Variants in PDZD8 observed in about 807,000 individuals in gnomAD.
PDZD8 encodes PDZ domain containing 8.
Under a neutral mutation model 85.8 loss-of-function variants are expected in PDZD8, and 14 were observed. The observed-to-expected ratio is 0.16, with a 90% confidence interval of 0.11 to 0.26. The LOEUF (loss-of-function observed/expected upper bound fraction) is 0.26. Among genes scored for constraint, PDZD8 ranks in the 10% least tolerant of loss-of-function variants. PDZD8 has a pLI of 1.00. For synonymous variants in PDZD8, 592 were observed against 568.6 expected (o/e 1.04, Z -0.59); for missense variants, 1,197 against 1,424.3 (o/e 0.84, Z 2.57).
intron 3 of PDZD8, among the ~76,000 whole-genome samples, chr10:117,292,321 C>T (rs997076791): frequency 1.3e-5 from 2 of 152,176 alleles, no homozygotes; most frequent in African/African-American, 4.8e-5. Context: ...CAATCCCTGC[C>T]TTATGACACA....
intron 4 of PDZD8, among the ~76,000 whole-genome samples, chr10:117,289,967 A>G (rs943453642): frequency 1.3e-5 from 2 of 152,244 alleles, no homozygotes; most frequent in African/African-American, 4.8e-5. Context: ...AGTATTTTAA[A>G]GATTTATACA....
In PDZD8 at chr10:117,353,989, C is replaced by T. The variant is rs541902756; in HGVS notation, c.873-12887G>A. On this transcript the variant is annotated intron_variant, in intron 1 of 4. Transcript: ENST00000334464. ...GTTAAACACCCTTTCTTCAAACTTG[C>T]GCCCTTCTCTCCTGCTTTCTCTTAC... Among the ~76,000 whole-genome samples the T allele has an allele frequency of 8.7e-4, 132 of 152,206 alleles. 1 individual carries two copies. The highest frequency in any genetic ancestry group is 3.4e-3 in the Middle Eastern group (1 of 294).
chr10:117,339,128 C>CA (rs71013660), intron 2 of PDZD8, among the ~76,000 whole-genome samples: 5,164 of 127,722 alleles, frequency 0.04, 71 homozygotes, highest in African/African-American at 0.049. Flanking sequence ...TGGACTTAAC[C>CA]AAAAAAAAAA....
At chr10:117,326,036 T>A (rs966670739) in intron 2 of PDZD8, among the ~76,000 whole-genome samples, 1 of 152,200 alleles carries the variant, frequency 6.6e-6, no homozygotes, top group Non-Finnish European at 1.5e-5. Context: ...TGTCACCTTG[T>A]GAAGAAGGTG....
chr10:117,317,155 TTA>T (rs1187801853), intron 3 of PDZD8, among the ~76,000 whole-genome samples: 3 of 152,198 alleles, frequency 2.0e-5, no homozygotes, highest in Admixed American at 6.6e-5. Flanking sequence ...TGTATATTCA[TTA>T]TAATTAGTGA....
chr10:117,355,928 TTACCATTAAGGTATATCATGTTAA>T (rs1352999803), intron 1 of PDZD8, among the ~76,000 whole-genome samples: 26 of 152,202 alleles, frequency 1.7e-4, no homozygotes, highest in Non-Finnish European at 2.8e-4. Flanking sequence ...GGTGTTGTTA[TTACCATTAAGGTATATCATGTTAA>T]TACCATTAAG....
intron 1 of PDZD8, among the ~76,000 whole-genome samples, chr10:117,361,449 T>C (rs1844997459): frequency 1.3e-5 from 2 of 152,122 alleles, no homozygotes. Context: ...AAGTCTTGTG[T>C]ACTCTGGACA....
intron 1 of PDZD8, among the ~76,000 whole-genome samples, chr10:117,346,076 AC>A (rs1440427455): frequency 6.6e-6 from 1 of 151,916 alleles, no homozygotes; most frequent in Non-Finnish European, 1.5e-5. Context: ...TCCCGTCTCT[AC>A]TAAAAATATA....
Position 117,283,798 on chromosome 10 carries a change from C to G in PDZD8, c.2935G>C (p.Gly979Arg). The change falls in exon 5 of 5, where the codon GGC (glycine) becomes CGC (arginine). Residue 979 changes from glycine (G) to arginine (R), a missense_variant. Physicochemically the swap from Gly to Arg is moderately radical, Grantham distance 125. Coordinates refer to ENST00000334464, the MANE Select transcript of PDZD8 (RefSeq NM_173791.5). ...KHTPNTSDNE[G>R]SDTEVCGPNS... is the part of the protein sequence containing the mutation. The stretch of plus-strand genomic sequence containing the variant: ...GGACCACAGACCTCCGTGTCACTGC[C>G]TTCGTTGTCTGACGTGTTGGGTGTG... 6.2e-7 allele frequency: 1 copy of G among 1,614,226 alleles called. No homozygotes were observed. The highest frequency in any genetic ancestry group is 8.5e-7 in the Non-Finnish European group (1 of 1,180,048).
chr10:117,307,157 T>G (rs944335780), intron 3 of PDZD8, among the ~76,000 whole-genome samples: 1 of 152,092 alleles, frequency 6.6e-6, no homozygotes, highest in Non-Finnish European at 1.5e-5. Context: ...ATGTGTATGT[T>G]TATAAAGTTT....
At position 117,277,305 on chromosome 10, in the gene PDZD8, T is replaced by C; in HGVS notation, c.*5963A>G. On this transcript the variant is annotated 3_prime_UTR_variant, in exon 5 of 5. Coordinates refer to ENST00000334464, the MANE Select transcript of PDZD8 (RefSeq NM_173791.5). ...AAAATCATCAAAGTGTTTAATTGTA[T>C]AAAACAGTGTTTCCAGTGACACAAC... is the stretch of plus-strand genomic sequence containing the variant. 1.5e-6 allele frequency: 2 copies of C among 1,296,920 alleles called. No homozygotes were observed. The highest frequency in any genetic ancestry group is 2.2e-6 in the Non-Finnish European group (2 of 902,788). The allele number at this position is 1,296,920 out of a possible 1,614,324, so 80.3% of individuals were successfully genotyped here.
At chr10:117,300,854 G>C (rs893578405) in intron 3 of PDZD8, among the ~76,000 whole-genome samples, 1 of 152,152 alleles carries the variant, frequency 6.6e-6, no homozygotes, top group African/African-American at 2.4e-5. Flanking sequence ...AGCAGACAGT[G>C]AATCTGCTGG....
At chr10:117,345,968 C>T (rs59968623) in intron 1 of PDZD8, among the ~76,000 whole-genome samples, 2,081 of 152,122 alleles carry the variant, frequency 0.014, 49 homozygotes, top group African/African-American at 0.046. Flanking sequence ...CAGCCAGGCG[C>T]GGTGGCTCAA....
At chr10:117,358,076 T>C (rs1844931832) in intron 1 of PDZD8, among the ~76,000 whole-genome samples, 1 of 152,078 alleles carries the variant, frequency 6.6e-6, no homozygotes, top group South Asian at 2.1e-4. Flanking sequence ...CTTACTATTC[T>C]TTTTACCTTA....
intron 3 of PDZD8, among the ~76,000 whole-genome samples, chr10:117,307,039 T>C (rs1843955191): frequency 1.3e-5 from 2 of 152,256 alleles, no homozygotes; most frequent in Non-Finnish European, 1.5e-5. Context: ...CTTTTATTTT[T>C]GCATAATCTT....
rs759844201 is a variant in PDZD8, at chr10:117,374,499, G to A, written c.729C>T (p.Phe243=). Reference sequence around the variant, plus strand: ...CGATCAGCGGGTCTTCCACGAAGGAGAAGAACCAGTGGGTGAAGGGCACGC... The same window carrying A: ...CGATCAGCGGGTCTTCCACGAAGGAAAAGAACCAGTGGGTGAAGGGCACGC... ...FTRVPFTHWF[F]SFVEDPLIDF... The change falls in exon 1 of 5, where the codon TTC becomes TTT. Residue 243 remains phenylalanine, a synonymous_variant. Coordinates refer to ENST00000334464, the MANE Select transcript of PDZD8 (RefSeq NM_173791.5). This position sits in a 1 kb window ranked among gnomAD's most constrained non-coding sequence, Gnocchi z 7.8. 2.5e-6 allele frequency: 4 copies of A among 1,613,478 alleles called. No individual in the cohort carries two copies. Among genetic ancestry groups the A allele is most frequent in the Admixed American group, 3.3e-5 (2 of 59,874 alleles).
At chr10:117,351,430 A>T (rs1477119591) in intron 1 of PDZD8, among the ~76,000 whole-genome samples, 1 of 152,214 alleles carries the variant, frequency 6.6e-6, no homozygotes, top group Non-Finnish European at 1.5e-5. Flanking sequence ...GTTCAAAATC[A>T]GGCAAAAAAC....
chr10:117,298,417 C>T (rs1280214053), intron 3 of PDZD8, among the ~76,000 whole-genome samples: 1 of 152,068 alleles, frequency 6.6e-6, no homozygotes, highest in Admixed American at 6.6e-5. Context: ...CATACATCAT[C>T]ATTTCTTAAT....
chr10:117,308,476 AAAT>A (rs1232425130), intron 3 of PDZD8, among the ~76,000 whole-genome samples: 1 of 152,166 alleles, frequency 6.6e-6, no homozygotes, highest in African/African-American at 2.4e-5. Flanking sequence ...AGGTTAAGTT[AAAT>A]AATAATAGAT....
Sources: gnomAD v4.1 joint callset for allele counts (sites outside exome capture counted in the v4.1 genomes callset) on GRCh38, gnomAD v4.1.1 for gene constraint, Gnocchi (gnomAD v3.1) non-coding constraint, MANE v1.5 for transcripts, NCBI Gene and HGNC (gene_info 2026-07-23, HGNC 2026-07-21) for gene names.